The following ABLIM2 variants were observed in gnomAD, a reference collection of about 807,000 sequenced individuals.
ABLIM2 encodes actin binding LIM protein family member 2.
ABLIM2 carries 53 observed loss-of-function variants against 97.7 expected under a neutral mutation model. The ratio of observed to expected loss-of-function variants is 0.54; its 90% CI spans 0.44 to 0.68. ABLIM2 has a LOEUF of 0.68. Among genes scored for constraint, ABLIM2 ranks in the 30% least tolerant of loss-of-function variants. The probability of loss-of-function intolerance (pLI) is 0.00; values close to 1 mark genes in which losing one functional copy is unlikely to be tolerated. For missense variants in ABLIM2, 835 were observed against 867.2 expected, an observed-to-expected ratio of 0.96 and a Z score of 0.47; for synonymous variants, 361 against 345.8, an observed-to-expected ratio of 1.04 and a Z score of -0.49.
Position 8,003,712 on chromosome 4 carries a change from T to A in ABLIM2, c.1618+4347A>T, listed in dbSNP as rs1443142291. ...TCCCAAGTAGCTGAGATTACAGGTA[T>A]CCTCCACCATGCCTGGCTGATTTTT... On this transcript the variant is annotated intron_variant, in intron 16 of 20. Coordinates refer to ENST00000447017, the MANE Select transcript of ABLIM2 (RefSeq NM_001130083.2). The surrounding 1 kb of genome is among the most constrained non-coding windows in gnomAD (Gnocchi z 4.2). Among the ~76,000 whole-genome samples, 1 of 152,078 alleles carries A rather than the reference T, an allele frequency of 6.6e-6. No individual in the cohort carries two copies.
rs1560781999 is a variant in ABLIM2 at position 8,032,150 on chromosome 4, C to G, written c.1048-2374G>C. 6.6e-6 allele frequency among the ~76,000 whole-genome samples: 1 copy of G among 151,282 alleles called. No individual in the cohort carries two copies. Among genetic ancestry groups the G allele is most frequent in the Non-Finnish European group, 1.5e-5 (1 of 67,930 alleles). ...GTGGCCACCCGTGCGGCCGCACAGA[C>G]TGCAGTCTGATTGGCAGCTCTCTAT... is the stretch of plus-strand genomic sequence containing the variant. On this transcript the variant is annotated intron_variant, in intron 10 of 20. Coordinates refer to ENST00000447017, the MANE Select transcript of ABLIM2 (RefSeq NM_001130083.2). The surrounding 1 kb of genome is among the most constrained non-coding windows in gnomAD (Gnocchi z 4.3).
rs989828426 is a variant in ABLIM2 at position 8,150,681 on chromosome 4, C to T, written c.10+7999G>A. Among the ~76,000 whole-genome samples the T allele has an allele frequency of 6.6e-6, 1 of 152,168 alleles. No homozygotes were observed. The highest frequency in any genetic ancestry group is 2.4e-5 in the African/African-American group (1 of 41,444). ...GTAGAATGCAGCTAAAATGAAGCTT[C>T]GAGCTGAGACCGATGACTCAAGACA... On this transcript the variant is annotated intron_variant, in intron 1 of 20. Transcript: ENST00000447017. The surrounding 1 kb of genome is among the most constrained non-coding windows in gnomAD (Gnocchi z 6.3).
In ABLIM2 at chr4:7,992,458, G is replaced by A. The variant is rs977674703; in HGVS notation, c.1680+408C>T. Among the ~76,000 whole-genome samples the A allele has an allele frequency of 6.6e-6, 1 of 152,160 alleles. No homozygotes were observed. The highest frequency in any genetic ancestry group is 2.4e-5 in the African/African-American group (1 of 41,446). On this transcript the variant is annotated intron_variant, in intron 17 of 20. Coordinates refer to ENST00000447017, the MANE Select transcript of ABLIM2 (RefSeq NM_001130083.2). The surrounding 1 kb of genome is among the most constrained non-coding windows in gnomAD (Gnocchi z 5.7). ...TAGCAGGGAAGGCCAGGGCATCCCC[G>A]AGAAGGAGGTGGGCACTTGGCTCAC...
At chr4:8,055,032 C>T (rs1177688771) in intron 7 of ABLIM2, among the ~76,000 whole-genome samples, 1 of 151,436 alleles carries the variant, frequency 6.6e-6, no homozygotes, top group Non-Finnish European at 1.5e-5. Flanking sequence ...TCAAACTACC[C>T]CAAGTCTTTG....
chr4:8,138,213 G>C (rs965358186), intron 1 of ABLIM2, among the ~76,000 whole-genome samples: 14 of 152,110 alleles, frequency 9.2e-5, no homozygotes, highest in African/African-American at 2.9e-4. Flanking sequence ...TGAGGGAGAT[G>C]AAAAAGGTTC....
intron 1 of ABLIM2, among the ~76,000 whole-genome samples, chr4:8,126,890 AC>A (rs1171986316): frequency 1.3e-5 from 2 of 151,912 alleles, no homozygotes; most frequent in Admixed American, 6.6e-5. Flanking sequence ...ACAAAGTGAG[AC>A]CCCGTCTCTA....
At chr4:7,971,574 A>G (rs1490029947) in intron 20 of ABLIM2, among the ~76,000 whole-genome samples, 1 of 152,100 alleles carries the variant, frequency 6.6e-6, no homozygotes, top group African/African-American at 2.4e-5. Flanking sequence ...CAGACCTGGG[A>G]GCCAGGTTAG....
At chr4:7,988,389 G>A (rs955578636) in intron 17 of ABLIM2, among the ~76,000 whole-genome samples, 2 of 152,216 alleles carry the variant, frequency 1.3e-5, no homozygotes, top group African/African-American at 4.8e-5. Context: ...GCAACTCCAG[G>A]AGGTGGGCAT....
intron 20 of ABLIM2, among the ~76,000 whole-genome samples, chr4:7,973,465 C>A (rs1246498938): frequency 6.7e-6 from 1 of 150,276 alleles, no homozygotes; most frequent in Admixed American, 6.6e-5. Flanking sequence ...TGTGCCACTG[C>A]ACTCCAGTCT....
At position 8,123,291 on chromosome 4, in the gene ABLIM2, G is replaced by A. The variant is rs1043246036; in HGVS notation, c.11-16654C>T. On this transcript the variant is annotated intron_variant, in intron 1 of 20. Coordinates refer to ENST00000447017, the MANE Select transcript of ABLIM2 (RefSeq NM_001130083.2). This position sits in a 1 kb window ranked among gnomAD's most constrained non-coding sequence, Gnocchi z 6.2. The stretch of plus-strand genomic sequence containing the variant: ...CCAGCCCCATCTCCAACTGGCATGA[G>A]AGGCGTTGTCACCCTCAGGCTGCAG... 1.3e-5 allele frequency among the ~76,000 whole-genome samples: 2 copies of A among 152,166 alleles called. No homozygotes were observed. The highest frequency in any genetic ancestry group is 2.4e-5 in the African/African-American group (1 of 41,434).
At chr4:7,995,430 G>A (rs1010326228) in intron 16 of ABLIM2, among the ~76,000 whole-genome samples, 7 of 152,230 alleles carry the variant, frequency 4.6e-5, no homozygotes, top group African/African-American at 1.7e-4. Context: ...GCCTCCAGGG[G>A]CAAGGCAGGT....
At chr4:8,110,627 G>A (rs1290963860) in intron 1 of ABLIM2, among the ~76,000 whole-genome samples, 1 of 148,024 alleles carries the variant, frequency 6.8e-6, no homozygotes, top group Non-Finnish European at 1.5e-5. Flanking sequence ...CTGTTTCCAG[G>A]TGACTGGAAA....
At chr4:8,141,945 G>T (rs2152946437) in intron 1 of ABLIM2, among the ~76,000 whole-genome samples, 1 of 152,348 alleles carries the variant, frequency 6.6e-6, no homozygotes, top group Middle Eastern at 3.4e-3. Context: ...CCAGCTCCAT[G>T]CAGGAGCCCA....
At chr4:8,098,321 C>T (rs1197768998) in intron 2 of ABLIM2, among the ~76,000 whole-genome samples, 1 of 152,214 alleles carries the variant, frequency 6.6e-6, no homozygotes. Flanking sequence ...ACATTTTAAA[C>T]CTGACATCTA....
In ABLIM2 at chr4:8,127,749, G is replaced by A; in HGVS notation, c.11-21112C>T. ...TCTGCCCGGGGAGGGGCAGAGCCAA[G>A]CCCTTCCCGGCACACTGAAATAGAC... On this transcript the variant is annotated intron_variant, in intron 1 of 20. Transcript: ENST00000447017. The surrounding 1 kb of genome is among the most constrained non-coding windows in gnomAD (Gnocchi z 7.3). 1 of 974,348 alleles carries A rather than the reference G, an allele frequency of 1.0e-6. No individual in the cohort carries two copies. Among genetic ancestry groups the A allele is most frequent in the Non-Finnish European group, 1.2e-6 (1 of 820,308 alleles). 60.4% of individuals were successfully genotyped at this position (974,348 alleles called of 1,614,324 possible).
intron 12 of ABLIM2, chr4:8,020,841 A>G (rs1005712211): frequency 1.2e-3 from 173 of 143,908 alleles, no homozygotes; most frequent in Non-Finnish European, 2.0e-3. Context: ...ATCCATTACC[A>G]CATTCTTTTT....
rs1213349981 is a variant in ABLIM2 at position 8,125,166 on chromosome 4, G to A, written c.11-18529C>T. ...GCAAATATTTTCTCCTATTTTGTGA[G>A]TTGTGTTTTCACTTTCCTCACGATG... On this transcript the variant is annotated intron_variant, in intron 1 of 20. Coordinates refer to ENST00000447017, the MANE Select transcript of ABLIM2 (RefSeq NM_001130083.2). This position sits in a 1 kb window ranked among gnomAD's most constrained non-coding sequence, Gnocchi z 6.2. Among the ~76,000 whole-genome samples, 1 of 152,144 alleles carries A rather than the reference G, an allele frequency of 6.6e-6. No individual in the cohort carries two copies. The highest frequency in any genetic ancestry group is 1.5e-5 in the Non-Finnish European group (1 of 68,020).
chr4:8,029,221 T>C lies in ABLIM2; in HGVS notation c.1168+435A>G, dbSNP rs553107863. Among the ~76,000 whole-genome samples, 207 of 152,268 alleles carry C rather than the reference T, an allele frequency of 1.4e-3. 1 individual carries two copies. Among genetic ancestry groups the C allele is most frequent in the Non-Finnish European group, 2.3e-3 (159 of 68,016 alleles). The stretch of plus-strand genomic sequence containing the variant: ...CAGGTGAAATGTTAATGGGCTTCAT[T>C]TTTCCACCACTGACTTTGCTTTCCC... On this transcript the variant is annotated intron_variant, in intron 11 of 20. Transcript: ENST00000447017.
chr4:8,010,083 G>A (rs1441247459), intron 14 of ABLIM2, among the ~76,000 whole-genome samples: 2 of 152,160 alleles, frequency 1.3e-5, no homozygotes, highest in Non-Finnish European at 2.9e-5. Context: ...ACCAGAAATG[G>A]ACTCAATGAA....
Sources: allele counts gnomAD v4.1 joint callset (sites outside exome capture counted in the v4.1 genomes callset), GRCh38; gene constraint gnomAD v4.1.1; non-coding constraint Gnocchi (gnomAD v3.1); transcripts MANE v1.5; gene names NCBI Gene and HGNC (gene_info 2026-07-23, HGNC 2026-07-21).